Variants in COL3A1 observed in about 807,000 individuals in gnomAD.
COL3A1 encodes collagen type III alpha 1 chain.
COL3A1 carries 46 observed loss-of-function variants against 200.9 expected under a neutral mutation model. That is an observed-to-expected ratio of 0.23 (90% CI 0.18 to 0.29). COL3A1 has a LOEUF of 0.29. Ranked by LOEUF, COL3A1 falls within the 10% of genes least tolerant of loss-of-function variation. The probability of loss-of-function intolerance (pLI) is 1.00; values close to 1 mark genes in which losing one functional copy is unlikely to be tolerated. For missense variants in COL3A1, 1,367 were observed against 1,917.6 expected (o/e 0.71, Z 5.36); for synonymous variants, 650 against 628.0 (o/e 1.03, Z -0.52).
At chr2:188,999,239 T>A (rs1446706930) in intron 29 of COL3A1, 46 bp from the exon 30 acceptor site, 2 of 1,520,892 alleles carry the variant, frequency 1.3e-6, no homozygotes, top group Admixed American at 3.9e-5. Flanking sequence ...GCTTTGTTTT[T>A]AGCTTTGGGT....
At position 189,005,355 on chromosome 2, in the gene COL3A1, A is replaced by C; in HGVS notation, c.2937A>C (p.Glu979Asp). Residue 979 changes from glutamate to aspartate, a missense_variant, in exon 41 of 51, where the codon GAA becomes GAC. This residue lies in a region of COL3A1 where 846 missense variants were observed against 1,147.9 expected (regional missense o/e 0.74). Coordinates refer to ENST00000304636, the MANE Select transcript of COL3A1 (RefSeq NM_000090.4). ...GSPGPQGVKG[E>D]SGKPGANGLS... ...TTTCATTCCTTTGTATACAGGGTGA[A>C]AGTGGGAAACCAGGAGCTAACGGTC... 2 of 1,613,948 alleles carry C rather than the reference A, an allele frequency of 1.2e-6. No individual in the cohort carries two copies. The highest frequency in any genetic ancestry group is 1.7e-6 in the Non-Finnish European group (2 of 1,179,828).
intron 31 of COL3A1, 38 bp from the exon 32 acceptor site, chr2:188,999,804 A>G (rs1178549748): frequency 6.3e-7 from 1 of 1,577,300 alleles, no homozygotes; most frequent in Non-Finnish European, 8.6e-7. Context: ...TTCACTGAAG[A>G]TACTTTGAAT....
intron 15 of COL3A1, 36 bp from the exon 16 acceptor site, chr2:188,993,325 G>GT (rs997802586): frequency 1.3e-6 from 2 of 1,522,384 alleles, no homozygotes; most frequent in African/African-American, 2.8e-5. Flanking sequence ...AGTAGAAGTG[G>GT]TAAGAGAAAC....
In COL3A1 at chr2:189,003,058, C is replaced by G; in HGVS notation, c.2549C>G (p.Pro850Arg). Reference protein sequence around the residue: ...GVAGPPGGSGPAGPPGPQGVK... With the variant: ...GVAGPPGGSGRAGPPGPQGVK... Reference sequence around the variant, plus strand: ...GCAGGACCCCCTGGAGGTTCTGGACCTGCTGTAAGTTCCTTCCTCTTTCTC... The same window carrying G: ...GCAGGACCCCCTGGAGGTTCTGGACGTGCTGTAAGTTCCTTCCTCTTTCTC... The change falls in exon 36 of 51, where the codon CCT (proline) becomes CGT (arginine). Residue 850 changes from proline to arginine, a missense_variant. Transcript: ENST00000304636. The G allele has an allele frequency of 1.3e-6, 2 of 1,549,748 alleles. No homozygotes were observed. Among genetic ancestry groups the G allele is most frequent in the Non-Finnish European group, 1.7e-6 (2 of 1,145,444 alleles).
rs1687841181 is a variant in COL3A1, at chr2:188,977,292, T to C, written c.79+2724T>C. 3.3e-5 allele frequency among the ~76,000 whole-genome samples: 5 copies of C among 152,128 alleles called. No individual in the cohort carries two copies. The South Asian group carries it at 1.0e-3, about 31-fold the overall frequency. On this transcript the variant is annotated intron_variant, in intron 1 of 50. Coordinates refer to ENST00000304636, the MANE Select transcript of COL3A1 (RefSeq NM_000090.4). ...TATTTTAATTAAATGTGTACTAATGTTTGAGTTTCTATATTTTGCTACAGT... is the reference window on the plus strand; with the variant it reads ...TATTTTAATTAAATGTGTACTAATGCTTGAGTTTCTATATTTTGCTACAGT...
In COL3A1 at chr2:188,988,121, A is replaced by G. The variant is rs771343175; in HGVS notation, c.569A>G (p.His190Arg). 1 of 1,612,910 alleles carries G rather than the reference A, an allele frequency of 6.2e-7. No homozygotes were observed. Among genetic ancestry groups the G allele is most frequent in the East Asian group, 2.2e-5 (1 of 44,842 alleles). Residue 190 changes from histidine (H) to arginine (R), a missense_variant, in exon 6 of 51, where the codon CAT (histidine) becomes CGT (arginine). His to Arg is a conservative substitution (Grantham distance 29). Coordinates refer to ENST00000304636, the MANE Select transcript of COL3A1 (RefSeq NM_000090.4). ...GPPGPPGTSG[H>R]PGSPGSPGYQ... ...CCCGGTCCCCCTGGTACATCTGGTC[A>G]TCCTGGTTCCCCTGTAAGTATAGCC...
intron 40 of COL3A1, among the ~76,000 whole-genome samples, 200 bp downstream of exon 40, chr2:189,004,564 C>T (rs532880275): frequency 1.3e-5 from 2 of 152,162 alleles, no homozygotes; most frequent in South Asian, 4.2e-4. Flanking sequence ...CATAGACAAA[C>T]CTTGAATATA....
intron 1 of COL3A1, among the ~76,000 whole-genome samples, chr2:188,980,482 T>A (rs1219545479): frequency 9.4e-5 from 14 of 149,240 alleles, no homozygotes; most frequent in African/African-American, 3.2e-4. Context: ...AATTGAATTC[T>A]AAAAGATTAA....
At chr2:188,996,253 T>A (rs1688308229) in intron 23 of COL3A1, 75 bp downstream of exon 23, 13 of 850,256 alleles carry the variant, frequency 1.5e-5, no homozygotes, top group African/African-American at 6.1e-5. Context: ...TCCTTGAGTG[T>A]GTGTGTGTGT....
Position 189,007,613 on chromosome 2 carries a change from T to C in COL3A1, c.3363+6T>C. On this transcript the variant is annotated splice_donor_region_variant and intron_variant, in intron 45 of 50. Transcript: ENST00000304636. ...CAGGTGCCCCAGGTTCTCCAGTAAG[T>C]GCATTCATTTTGTTGGAAAATCCCT... The C allele has an allele frequency of 6.2e-7, 1 of 1,605,980 alleles. No homozygotes were observed. Among genetic ancestry groups the C allele is most frequent in the Non-Finnish European group, 8.5e-7 (1 of 1,174,576 alleles).
chr2:189,003,698 A>G, intron 37 of COL3A1, 36 bp from the exon 38 acceptor site: 1 of 1,606,972 alleles, frequency 6.2e-7, no homozygotes, highest in Non-Finnish European at 8.5e-7. Flanking sequence ...TATTTGTTCT[A>G]CTTTTGAAAT....
chr2:188,999,574 C>G lies in COL3A1; in HGVS notation c.2226C>G (p.Asp742Glu). Residue 742 changes from aspartate (D) to glutamate (E), a missense_variant, in exon 31 of 51, where the codon GAC becomes GAG. By Grantham distance (45) the Asp-to-Glu change is conservative. Transcript: ENST00000304636. The stretch of plus-strand genomic sequence containing the variant: ...TTGGAAGTCCTGGTCCAAAGGGTGA[C>G]AAGGTGTTGACTTGTTTTCTCTTAA... ...GGLGSPGPKG[D>E]KGEPGGPGAD... 2 of 1,612,730 alleles carry G rather than the reference C, an allele frequency of 1.2e-6. No individual in the cohort carries two copies. The highest frequency in any genetic ancestry group is 1.1e-5 in the South Asian group (1 of 91,064).
chr2:188,983,939 A>G (rs1688009525), intron 1 of COL3A1, among the ~76,000 whole-genome samples: 1 of 151,984 alleles, frequency 6.6e-6, no homozygotes, highest in Non-Finnish European at 1.5e-5. Context: ...CATAGTTAAT[A>G]GCTGCTGAAA....
intron 22 of COL3A1, 86 bp downstream of exon 22, chr2:188,995,876 A>G: frequency 1.7e-6 from 2 of 1,186,300 alleles, no homozygotes; most frequent in African/African-American, 1.5e-5. Context: ...AGCAACTTAA[A>G]TCAATCAGAT....
rs775677938 is a variant in COL3A1, at chr2:188,992,209, G to A, written c.977G>A (p.Arg326Gln). 12 of 1,613,704 alleles carry A rather than the reference G, an allele frequency of 7.4e-6. No homozygotes were observed. The highest frequency in any genetic ancestry group is 2.2e-5 in the East Asian group (1 of 44,840). ...AAGARGNDGA[R>Q]GSDGQPGPPG... is the part of the protein sequence containing the mutation. ...GGTGCTCGGGGTAATGACGGTGCTCGAGGCAGTGATGGTCAACCAGTAAGT... is the reference window on the plus strand; with the variant it reads ...GGTGCTCGGGGTAATGACGGTGCTCAAGGCAGTGATGGTCAACCAGTAAGT... Residue 326 changes from arginine (R) to glutamine (Q), a missense_variant, in exon 14 of 51, where the codon CGA becomes CAA. Transcript: ENST00000304636.
chr2:188,986,479 A>G (rs1051341565), intron 4 of COL3A1, among the ~76,000 whole-genome samples: 1 of 152,068 alleles, frequency 6.6e-6, no homozygotes, highest in East Asian at 1.9e-4. Flanking sequence ...ACCTAACTCT[A>G]GACCTGGAAC....
intron 1 of COL3A1, 45 bp downstream of exon 1, chr2:188,974,613 T>G (rs1372786538): frequency 8.6e-6 from 13 of 1,510,172 alleles, no homozygotes; most frequent in Non-Finnish European, 1.1e-5. Context: ...ATTTTTGTCT[T>G]TCTTCTCCTC....
At chr2:189,005,581 AATAAC>A in intron 41 of COL3A1, 124 bp downstream of exon 41, 1 of 773,200 alleles carries the variant, frequency 1.3e-6, no homozygotes, top group East Asian at 2.7e-5. Context: ...TTCTATCTCT[AATAAC>A]AGAAATTCTT....
chr2:188,990,049 A>G, intron 8 of COL3A1, 47 bp from the exon 9 acceptor site: 2 of 1,561,286 alleles, frequency 1.3e-6, no homozygotes, highest in South Asian at 1.1e-5. Flanking sequence ...GCTACAATGT[A>G]TTTTCTCATA....
Sources: gnomAD v4.1 joint callset for allele counts (sites outside exome capture counted in the v4.1 genomes callset) on GRCh38, gnomAD v4.1.1 for gene constraint, gnomAD v4.1.1 regional missense constraint, MANE v1.5 for transcripts, NCBI Gene and HGNC (gene_info 2026-07-23, HGNC 2026-07-21) for gene names.